Variants in SLC44A5 observed in about 807,000 individuals in gnomAD.
The protein encoded by SLC44A5 is choline transporter-like protein 5.
SLC44A5 carries 57 observed loss-of-function variants against 101.8 expected under a neutral mutation model. That is an observed-to-expected ratio of 0.56 (90% CI 0.45 to 0.70). The LOEUF (loss-of-function observed/expected upper bound fraction) is 0.70, where lower values mean the gene tolerates loss of function less well. Among genes scored for constraint, SLC44A5 ranks in the 30% least tolerant of loss-of-function variants. SLC44A5 has a pLI of 0.00. For synonymous variants in SLC44A5, 281 were observed against 290.9 expected (o/e 0.97, Z 0.35); for missense variants, 737 against 853.1 (o/e 0.86, Z 1.70).
At chr1:75,470,571 G>T (rs1248245255) in intron 2 of SLC44A5, among the ~76,000 whole-genome samples, 1 of 152,164 alleles carries the variant, frequency 6.6e-6, no homozygotes, top group African/African-American at 2.4e-5. Context: ...CGCAGGAGGG[G>T]CCATAACCCA....
chr1:75,419,288 A>C (rs1315368280), intron 2 of SLC44A5, among the ~76,000 whole-genome samples: 1 of 152,166 alleles, frequency 6.6e-6, no homozygotes, highest in Non-Finnish European at 1.5e-5. Flanking sequence ...ATAAACATGA[A>C]GTCAACCACA....
At chr1:75,645,435 G>A in the SLC44A5 span, among the ~76,000 whole-genome samples, 2 of 152,068 alleles carry the variant, frequency 1.3e-5, no homozygotes, top group Non-Finnish European at 2.9e-5. Flanking sequence ...CTTTTGAGAA[G>A]TGTCTGTTCA....
intron 2 of SLC44A5, among the ~76,000 whole-genome samples, chr1:75,410,162 A>G (rs1352666101): frequency 6.6e-6 from 1 of 152,118 alleles, no homozygotes; most frequent in Non-Finnish European, 1.5e-5. Context: ...AATTGCCCAT[A>G]TTTGTATTAA....
At chr1:75,641,638 A>G in the SLC44A5 span, 1 of 1,490,418 alleles carries the variant, frequency 6.7e-7, no homozygotes, top group Non-Finnish European at 9.4e-7. Context: ...AAATTGCATA[A>G]CAAGGAAGTA....
At chr1:75,603,783 T>G (rs1675152024) in intron 1 of SLC44A5, among the ~76,000 whole-genome samples, 5 of 128,778 alleles carry the variant, frequency 3.9e-5, no homozygotes, top group African/African-American at 5.9e-5. Context: ...TGCTTGTATG[T>G]CTTCTTTTTT....
At chr1:75,363,464 A>C (rs1404950176) in intron 3 of SLC44A5, among the ~76,000 whole-genome samples, 2 of 151,756 alleles carry the variant, frequency 1.3e-5, no homozygotes, top group East Asian at 3.9e-4. Flanking sequence ...TTAGGTTTTT[A>C]ATTTGTGGTT....
chr1:75,227,930 A>T, intron 12 of SLC44A5, 73 bp from the exon 13 acceptor site: 1 of 1,219,534 alleles, frequency 8.2e-7, no homozygotes, highest in Non-Finnish European at 1.1e-6. Flanking sequence ...TGCTCATCAT[A>T]CATATCTATA....
intron 4 of SLC44A5, among the ~76,000 whole-genome samples, chr1:75,329,247 C>T (rs78785882): frequency 0.015 from 2,319 of 152,282 alleles, 75 homozygotes; most frequent in African/African-American, 0.053. Context: ...CCTCTTGCTT[C>T]CTTTCCCTTC....
intron 22 of SLC44A5, among the ~76,000 whole-genome samples, chr1:75,212,097 G>T (rs180757184): frequency 6.6e-6 from 1 of 152,140 alleles, no homozygotes; most frequent in African/African-American, 2.4e-5. Flanking sequence ...CAAGCAAAGA[G>T]ATTTTGCCAA....
At chr1:75,680,541 T>C in the SLC44A5 span, among the ~76,000 whole-genome samples, 1 of 150,718 alleles carries the variant, frequency 6.6e-6, no homozygotes, top group African/African-American at 2.4e-5. Flanking sequence ...AAGGCAGAAA[T>C]AAAGATGTTC....
At chr1:75,432,757 G>T (rs76195107) in intron 2 of SLC44A5, among the ~76,000 whole-genome samples, 6 of 150,208 alleles carry the variant, frequency 4.0e-5, no homozygotes, top group Non-Finnish European at 1.5e-5. Flanking sequence ...CTGTTCACCT[G>T]AAAAAAAAAT....
At chr1:75,366,360 C>T (rs1007598092) in intron 3 of SLC44A5, among the ~76,000 whole-genome samples, 1 of 152,112 alleles carries the variant, frequency 6.6e-6, no homozygotes, top group African/African-American at 2.4e-5. Flanking sequence ...CTCTCCTAGC[C>T]TGCAAGATTT....
At chr1:75,374,158 C>T (rs139755627) in intron 3 of SLC44A5, among the ~76,000 whole-genome samples, 1 of 152,316 alleles carries the variant, frequency 6.6e-6, no homozygotes, top group African/African-American at 2.4e-5. Context: ...ACGCAGGCAT[C>T]AGAGGGAGAC....
intron 5 of SLC44A5, among the ~76,000 whole-genome samples, chr1:75,278,072 C>CA (rs1652079541): frequency 6.6e-6 from 1 of 152,076 alleles, no homozygotes; most frequent in East Asian, 1.9e-4. Flanking sequence ...AGCCACTACC[C>CA]ATGTGTCTAT....
At chr1:75,573,151 A>C (rs1485716432) in intron 1 of SLC44A5, among the ~76,000 whole-genome samples, 3 of 149,840 alleles carry the variant, frequency 2.0e-5, no homozygotes, top group African/African-American at 7.3e-5. Context: ...AAAAAAAAAA[A>C]AAAGGAAATA....
chr1:75,473,496 G>A (rs144569842), intron 2 of SLC44A5, among the ~76,000 whole-genome samples: 257 of 152,162 alleles, frequency 1.7e-3, no homozygotes, highest in African/African-American at 5.7e-3. Flanking sequence ...TAGGCGATGG[G>A]GTTTTGTTTG....
At chr1:75,379,971 C>A (rs1277146134) in intron 3 of SLC44A5, among the ~76,000 whole-genome samples, 3 of 82,892 alleles carry the variant, frequency 3.6e-5, no homozygotes, top group African/African-American at 1.6e-4. Context: ...AAACATTGGG[C>A]TAGTCAATGT....
At chr1:75,205,493 C>T (rs1646734634) in intron 23 of SLC44A5, 1 of 152,112 alleles carries the variant, frequency 6.6e-6, no homozygotes, top group African/African-American at 2.4e-5. Flanking sequence ...TTTGTTCTGC[C>T]ATTCAAAACT....
intron 5 of SLC44A5, among the ~76,000 whole-genome samples, chr1:75,298,767 T>C (rs760433930): frequency 6.6e-6 from 1 of 152,146 alleles, no homozygotes; most frequent in Non-Finnish European, 1.5e-5. Flanking sequence ...ATATTGTAAA[T>C]TATATTGAAA....
Sources: gnomAD v4.1 joint callset for allele counts (sites outside exome capture counted in the v4.1 genomes callset) on GRCh38, gnomAD v4.1.1 for gene constraint, MANE v1.5 for transcripts, NCBI Gene and HGNC (gene_info 2026-07-23, HGNC 2026-07-21) for gene names.